The following ETV1 variants were observed in gnomAD, a reference collection of about 807,000 sequenced individuals.
ETV1 encodes the protein ETS variant transcription factor 1.
ETV1 carries 27 observed loss-of-function variants against 62.3 expected under a neutral mutation model. The observed-to-expected ratio is 0.43, with a 90% confidence interval of 0.32 to 0.60. The LOEUF (loss-of-function observed/expected upper bound fraction) is 0.60, where lower values mean the gene tolerates loss of function less well. Ranked by LOEUF, ETV1 falls within the 20% of genes least tolerant of loss-of-function variation. ETV1 has a pLI of 0.06. For synonymous variants in ETV1, 222 were observed against 199.6 expected (o/e 1.11, Z -0.94); for missense variants, 605 against 605.8 (o/e 1.00, Z 0.01).
intron 11 of ETV1, among the ~76,000 whole-genome samples, chr7:13,909,399 G>A (rs561235056): frequency 4.6e-5 from 7 of 152,096 alleles, no homozygotes; most frequent in Non-Finnish European, 1.0e-4. Flanking sequence ...CAAGAATGAT[G>A]CTCTTTGTCT....
intron 6 of ETV1, among the ~76,000 whole-genome samples, chr7:13,965,233 C>T (rs371888673): frequency 6.6e-5 from 10 of 152,160 alleles, no homozygotes; most frequent in African/African-American, 1.9e-4. Context: ...GGCAGAGAAG[C>T]GCACACACTG....
At chr7:13,962,998 T>C (rs1415719243) in intron 6 of ETV1, among the ~76,000 whole-genome samples, 1 of 152,134 alleles carries the variant, frequency 6.6e-6, no homozygotes, top group Non-Finnish European at 1.5e-5. Context: ...CTGGAATGCA[T>C]ACAAGGGAAA....
chr7:13,944,151 T>C (rs1477033556), intron 6 of ETV1, among the ~76,000 whole-genome samples: 1 of 152,218 alleles, frequency 6.6e-6, no homozygotes, highest in East Asian at 1.9e-4. Context: ...TTTAGTGCTC[T>C]ACTGCTTTCA....
At chr7:13,932,567 C>T (rs558041356) in intron 8 of ETV1, among the ~76,000 whole-genome samples, 146 of 152,296 alleles carry the variant, frequency 9.6e-4, no homozygotes, top group African/African-American at 3.5e-3. Flanking sequence ...GAGGCCTCAG[C>T]AGAAGGCTAG....
intron 6 of ETV1, among the ~76,000 whole-genome samples, chr7:13,962,113 T>C (rs571636379): frequency 6.6e-6 from 1 of 152,040 alleles, no homozygotes; most frequent in South Asian, 2.1e-4. Flanking sequence ...AATAAAAGCT[T>C]ATATAGTATG....
chr7:13,898,814 C>T (rs1341182946), intron 13 of ETV1, among the ~76,000 whole-genome samples: 1 of 152,130 alleles, frequency 6.6e-6, no homozygotes, highest in African/African-American at 2.4e-5. Flanking sequence ...CTAGAATTTA[C>T]TTGAACATCA....
chr7:13,913,122 G>GA lies in ETV1; in HGVS notation c.803-1816dup, dbSNP rs371829833. On this transcript the variant is annotated intron_variant, in intron 9 of 13. Coordinates refer to ENST00000430479, the MANE Select transcript of ETV1 (RefSeq NM_004956.5). ...CTATGATCCAAACTAGCTAAGCGGC[G>GA]ACTTCAAAGGCAAATGTTTTGTGGC... Among the ~76,000 whole-genome samples, 656 of 152,226 alleles carry GA rather than the reference G, an allele frequency of 4.3e-3. 9 individuals are homozygous for GA. Among genetic ancestry groups the GA allele is most frequent in the African/African-American group, 0.015 (634 of 41,524 alleles).
At chr7:13,904,039 G>C (rs762116437) in intron 12 of ETV1, among the ~76,000 whole-genome samples, 30 of 152,136 alleles carry the variant, frequency 2.0e-4, no homozygotes, top group Non-Finnish European at 4.4e-4. Flanking sequence ...GGACTGTGCT[G>C]ACACAGGCAC....
chr7:13,978,400 C>CACACATAAATACATGCAA (rs1408900058), intron 5 of ETV1, among the ~76,000 whole-genome samples: 2 of 8,196 alleles, frequency 2.4e-4, no homozygotes, highest in Non-Finnish European at 4.1e-4. Context: ...TACATGCAAA[C>CACACATAAATACATGCAA]ACACACACAC....
At chr7:13,950,889 C>G (rs1316926757) in intron 6 of ETV1, among the ~76,000 whole-genome samples, 1 of 141,152 alleles carries the variant, frequency 7.1e-6, no homozygotes, top group Non-Finnish European at 1.5e-5. Context: ...AAACTGCTGG[C>G]TTCTCTAGGA....
In ETV1 at chr7:13,893,575, CACTG is replaced by C. The variant is rs1781527681; in HGVS notation, c.*2287_*2290del. The C allele has an allele frequency of 4.3e-6, 1 of 231,820 alleles. No homozygotes were observed. 14.4% of individuals were successfully genotyped at this position (231,820 alleles called of 1,614,324 possible). ...ACGTTAGCATGGCCCAATTCTTCCTCACTGACTGACTAAAACTAGACTATTAAAA... is the reference window on the plus strand; with the variant it reads ...ACGTTAGCATGGCCCAATTCTTCCTCACTGACTAAAACTAGACTATTAAAA... On this transcript the variant is annotated 3_prime_UTR_variant, in exon 14 of 14. Coordinates refer to ENST00000430479, the MANE Select transcript of ETV1 (RefSeq NM_004956.5).
At chr7:13,907,884 C>T (rs1268457028) in intron 11 of ETV1, 1 of 467,474 alleles carries the variant, frequency 2.1e-6, no homozygotes, top group African/African-American at 2.0e-5. Flanking sequence ...ATGTGTGAGT[C>T]AATAGCTGCT....
At position 13,892,595 on chromosome 7, in the gene ETV1, G is replaced by T; in HGVS notation, c.*3271C>A. 8.6e-6 allele frequency: 2 copies of T among 232,604 alleles called. No homozygotes were observed. Among genetic ancestry groups the T allele is most frequent in the Middle Eastern group, 2.5e-3 (2 of 788 alleles). The allele number at this position is 232,604 out of a possible 1,614,324, so 14.4% of individuals were successfully genotyped here. A position where few individuals can be genotyped will look rare whatever the true frequency, so the allele number is the denominator to read the frequency against. ...CCATGTCCTAATCCCTGGGACCTAT[G>T]AATAATTATCTAGCCAAAGGGACTT... On this transcript the variant is annotated 3_prime_UTR_variant, in exon 14 of 14. Transcript: ENST00000430479.
chr7:13,931,928 A>G (rs933583906), intron 8 of ETV1, among the ~76,000 whole-genome samples, 179 bp from the exon 9 acceptor site: 1 of 152,074 alleles, frequency 6.6e-6, no homozygotes, highest in African/African-American at 2.4e-5. Context: ...TTTTAATCAT[A>G]TGACTTATAT....
chr7:13,961,806 C>A (rs1790200710), intron 6 of ETV1, among the ~76,000 whole-genome samples: 1 of 152,046 alleles, frequency 6.6e-6, no homozygotes, highest in Non-Finnish European at 1.5e-5. Context: ...TTTTTGAATT[C>A]CTATGGTCAA....
At chr7:13,919,565 TACACACACACAC>T (rs35735011) in intron 9 of ETV1, among the ~76,000 whole-genome samples, 8 of 135,402 alleles carry the variant, frequency 5.9e-5, no homozygotes, top group Admixed American at 2.2e-4. Flanking sequence ...ATAGAAACCA[TACACACACACAC>T]ACACACACAC....
intron 6 of ETV1, among the ~76,000 whole-genome samples, chr7:13,941,902 TAAATA>T (rs1364506224): frequency 6.8e-5 from 8 of 118,060 alleles, no homozygotes; most frequent in Non-Finnish European, 1.4e-4. Flanking sequence ...AATAAATAAA[TAAATA>T]AAGTAAGAAA....
rs1002602819 is a variant in ETV1 at position 13,892,128 on chromosome 7, T to A, written c.*3738A>T. ...TATTTTACACATTGTTCTTACCTAATAAGTAATAATCACTAGCAAATGATA... is the reference window on the plus strand; with the variant it reads ...TATTTTACACATTGTTCTTACCTAAAAAGTAATAATCACTAGCAAATGATA... On this transcript the variant is annotated 3_prime_UTR_variant, in exon 14 of 14. Transcript: ENST00000430479. 17 of 232,244 alleles carry A rather than the reference T, an allele frequency of 7.3e-5. No individual in the cohort carries two copies. Among genetic ancestry groups the A allele is most frequent in the Non-Finnish European group, 1.4e-4 (16 of 117,564 alleles). The allele number at this position is 232,244 out of a possible 1,614,324, so 14.4% of individuals were successfully genotyped here. A position where few individuals can be genotyped will look rare whatever the true frequency, so the allele number is the denominator to read the frequency against.
chr7:13,965,849 G>A (rs181687308), intron 6 of ETV1, among the ~76,000 whole-genome samples: 3 of 152,164 alleles, frequency 2.0e-5, no homozygotes, highest in Admixed American at 1.3e-4. Flanking sequence ...ATTGGCACTC[G>A]TTTTCAAACA....
Sources: gnomAD v4.1 joint callset for allele counts (sites outside exome capture counted in the v4.1 genomes callset) on GRCh38, gnomAD v4.1.1 for gene constraint, MANE v1.5 for transcripts, NCBI Gene and HGNC (gene_info 2026-07-23, HGNC 2026-07-21) for gene names.